TCF4: variants seen among roughly 807,000 people sequenced by gnomAD.
TCF4 encodes the protein transcription factor 4, also known as SL3-3 enhancer factor 2.
A neutral mutation model predicts 82.1 loss-of-function variants in TCF4; 3 were observed. That is an observed-to-expected ratio of 0.04 (90% CI 0.02 to 0.09). TCF4 has a LOEUF of 0.09. Ranked by LOEUF, TCF4 falls within the 10% of genes least tolerant of loss-of-function variation. The pLI is 1.00. For missense variants in TCF4, 518 were observed against 852.7 expected, an observed-to-expected ratio of 0.61 and a Z score of 4.89; for synonymous variants, 276 against 309.6, an observed-to-expected ratio of 0.89 and a Z score of 1.14.
At chr18:55,339,093 A>G (rs2079250851) in intron 8 of TCF4, among the ~76,000 whole-genome samples, 1 of 152,186 alleles carries the variant, frequency 6.6e-6, no homozygotes, top group Non-Finnish European at 1.5e-5. Flanking sequence ...TTTAAAAAAA[A>G]TTGCGACACA....
chr18:55,300,244 AC>A (rs3838897), intron 8 of TCF4, among the ~76,000 whole-genome samples: 1 of 152,280 alleles, frequency 6.6e-6, no homozygotes, highest in East Asian at 1.9e-4. Context: ...CCCTATGCCA[AC>A]CATTTGTTTC....
At chr18:55,332,233 T>C (rs886614897) in intron 8 of TCF4, 1 of 152,170 alleles carries the variant, frequency 6.6e-6, no homozygotes, top group African/African-American at 2.4e-5. Flanking sequence ...AAGAAACAGG[T>C]GCTTTCCATG....
At chr18:55,510,520 T>TA in intron 3 of TCF4, 1 of 1,290,736 alleles carries the variant, frequency 7.7e-7, no homozygotes, top group Admixed American at 2.6e-5. Context: ...CAGAAGTCGA[T>TA]AGATCAAACA....
At chr18:55,396,431 A>G (rs2093493223) in intron 6 of TCF4, among the ~76,000 whole-genome samples, 1 of 152,140 alleles carries the variant, frequency 6.6e-6, no homozygotes, top group Admixed American at 6.5e-5. Context: ...TTCACTATCA[A>G]CCATGTCTGG....
chr18:55,284,703 G>A (rs1396360736), intron 8 of TCF4, among the ~76,000 whole-genome samples: 4 of 152,166 alleles, frequency 2.6e-5, no homozygotes, highest in African/African-American at 9.7e-5. Context: ...TTGTAATTGA[G>A]GCTTTCAGAC....
chr18:55,228,740 G>T, intron 18 of TCF4, 107 bp downstream of exon 18: 1 of 1,144,484 alleles, frequency 8.7e-7, no homozygotes, highest in Non-Finnish European at 1.3e-6. Flanking sequence ...TTGGAATGAT[G>T]CTTGAAAGTC....
chr18:55,320,190 TAAAA>T (rs571799875), intron 8 of TCF4, among the ~76,000 whole-genome samples: 14 of 143,392 alleles, frequency 9.8e-5, no homozygotes, highest in African/African-American at 3.3e-4. Flanking sequence ...ATGTACTTGT[TAAAA>T]AAAAAAAAAG....
At chr18:55,335,858 T>C (rs2078522467) in intron 8 of TCF4, among the ~76,000 whole-genome samples, 2 of 152,130 alleles carry the variant, frequency 1.3e-5, no homozygotes, top group South Asian at 2.1e-4. Context: ...TTGTGTACTA[T>C]AAATTTGACT....
At chr18:55,370,382 C>T (rs150848075) in intron 6 of TCF4, among the ~76,000 whole-genome samples, 1 of 151,624 alleles carries the variant, frequency 6.6e-6, no homozygotes, top group Admixed American at 6.6e-5. Flanking sequence ...CCAGCCTGGG[C>T]TCAGTACATA....
chr18:55,376,879 A>T (rs930117390), intron 6 of TCF4, among the ~76,000 whole-genome samples: 4 of 152,212 alleles, frequency 2.6e-5, no homozygotes, highest in African/African-American at 9.7e-5. Context: ...TAGAGAAACC[A>T]TTCCTTCAAA....
chr18:55,318,195 T>C lies in TCF4; in HGVS notation c.549+32164A>G, dbSNP rs572780481. On this transcript the variant is annotated intron_variant, in intron 8 of 19. Coordinates refer to ENST00000354452, the MANE Select transcript of TCF4 (RefSeq NM_001083962.2). Reference sequence around the variant, plus strand: ...CGTGGATATGCTATAATATTAGATATGTGAAATTTGACCAAATAATCACTT... The same window carrying C: ...CGTGGATATGCTATAATATTAGATACGTGAAATTTGACCAAATAATCACTT... 5.3e-5 allele frequency among the ~76,000 whole-genome samples: 8 copies of C among 152,252 alleles called. No homozygotes were observed. The South Asian group carries it at 1.7e-3, about 32-fold the overall frequency.
chr18:55,389,537 G>C (rs1303586015), intron 6 of TCF4, among the ~76,000 whole-genome samples: 1 of 152,216 alleles, frequency 6.6e-6, no homozygotes, highest in Admixed American at 6.5e-5. Context: ...TGTAAGGCAA[G>C]AAGAAGGGGA....
At chr18:55,412,035 C>A (rs2094365885) in intron 5 of TCF4, among the ~76,000 whole-genome samples, 1 of 152,132 alleles carries the variant, frequency 6.6e-6, no homozygotes, top group African/African-American at 2.4e-5. Flanking sequence ...GCCACCATGC[C>A]CAACAGATTT....
chr18:55,377,656 A>G (rs193295112), intron 6 of TCF4, among the ~76,000 whole-genome samples: 195 of 152,352 alleles, frequency 1.3e-3, no homozygotes, highest in Non-Finnish European at 2.6e-3. Context: ...TTTAAACCCC[A>G]TCATGTTACC....
intron 9 of TCF4, 22 bp downstream of exon 9, chr18:55,279,529 C>T (rs1209771465): frequency 1.2e-6 from 2 of 1,613,610 alleles, no homozygotes; most frequent in Admixed American, 1.7e-5. Flanking sequence ...TGGCCTTTCC[C>T]TCAGAAGCAG....
intron 6 of TCF4, chr18:55,401,447 C>A: frequency 9.5e-7 from 1 of 1,052,640 alleles, no homozygotes; most frequent in Non-Finnish European, 1.1e-6. Flanking sequence ...CATATGCAGT[C>A]ATAGTGCTAT....
At chr18:55,373,737 C>T (rs370892175) in intron 6 of TCF4, among the ~76,000 whole-genome samples, 28 of 152,124 alleles carry the variant, frequency 1.8e-4, no homozygotes, top group South Asian at 6.2e-4. Context: ...TGCTTGAAAC[C>T]GGGAGCCGGA....
intron 10 of TCF4, 22 bp from the exon 11 acceptor site, chr18:55,269,985 G>T (rs934853801): frequency 1.2e-6 from 2 of 1,612,650 alleles, no homozygotes; most frequent in African/African-American, 1.3e-5. Context: ...AGCAGAAAAA[G>T]GTGGCCATAT....
At chr18:55,307,527 C>T (rs1168323502) in intron 8 of TCF4, among the ~76,000 whole-genome samples, 2 of 152,172 alleles carry the variant, frequency 1.3e-5, no homozygotes, top group African/African-American at 2.4e-5. Context: ...CCAAAGACTG[C>T]ATTTTCTACA....
Sources: gnomAD v4.1 joint callset for allele counts (sites outside exome capture counted in the v4.1 genomes callset) on GRCh38, gnomAD v4.1.1 for gene constraint, MANE v1.5 for transcripts, NCBI Gene and HGNC (gene_info 2026-07-23, HGNC 2026-07-21) for gene names.